MAX: variants seen among roughly 807,000 people sequenced by gnomAD.
MAX encodes the protein MYC associated transcriptional regulator X.
Under a neutral mutation model 22.3 loss-of-function variants are expected in MAX, and 3 were observed. The ratio of observed to expected loss-of-function variants is 0.13; its 90% CI spans 0.06 to 0.35. The LOEUF is 0.35. MAX is among the 10% of genes least tolerant of loss of function. The pLI, the probability that MAX is intolerant of heterozygous loss-of-function variation, is 1.00. For synonymous variants in MAX, 72 were observed against 77.7 expected (o/e 0.93, Z 0.39); for missense variants, 119 against 209.4 (o/e 0.57, Z 2.66).
chr14:65,050,358 A>G (rs761959994), intron 3 of MAX, among the ~76,000 whole-genome samples: 8 of 152,162 alleles, frequency 5.3e-5, no homozygotes, highest in Non-Finnish European at 1.2e-4. Flanking sequence ...CACTTTGGGA[A>G]GCCGAGTTGG....
chr14:65,084,379 A>C lies in MAX; in HGVS notation c.172-6343T>G. ...CAAAATTACTAACTTTTGTTTACTG[A>C]ATTAGTTACCCTCTTCCAAAAAAAA... On this transcript the variant is annotated intron_variant, in intron 3 of 4. Transcript: ENST00000358664. The surrounding 1 kb of genome is among the most constrained non-coding windows in gnomAD (Gnocchi z 4.3). The C allele has an allele frequency of 1.1e-6, 1 of 915,174 alleles. No homozygotes were observed. 56.7% of individuals were successfully genotyped at this position (915,174 alleles called of 1,614,324 possible). A position where few individuals can be genotyped will look rare whatever the true frequency, so the allele number is the denominator to read the frequency against.
rs1008264230 is a variant in MAX, at chr14:65,082,992, C to G, written c.172-4956G>C. ...TTAGGTGGGGGATGTCAGCTTCCCACAGTACACTGCTGGCTTCATTACCTC... is the reference window on the plus strand; with the variant it reads ...TTAGGTGGGGGATGTCAGCTTCCCAGAGTACACTGCTGGCTTCATTACCTC... On this transcript the variant is annotated intron_variant, in intron 3 of 4. Transcript: ENST00000358664. The surrounding 1 kb of genome is among the most constrained non-coding windows in gnomAD (Gnocchi z 4.8). Among the ~76,000 whole-genome samples, 3 of 152,170 alleles carry G rather than the reference C, an allele frequency of 2.0e-5. No homozygotes were observed. Among genetic ancestry groups the G allele is most frequent in the African/African-American group, 4.8e-5 (2 of 41,442 alleles).
intron 3 of MAX, chr14:65,040,813 T>C (rs1226399765): frequency 6.2e-7 from 1 of 1,613,522 alleles, no homozygotes; most frequent in Non-Finnish European, 8.5e-7. Context: ...GAAGGTGGCA[T>C]TGGCGGGGTA....
chr14:65,102,496 G>A lies in MAX; in HGVS notation c.-157C>T, dbSNP rs540865085. 18 of 1,488,962 alleles carry A rather than the reference G, an allele frequency of 1.2e-5. No homozygotes were observed. Among genetic ancestry groups the A allele is most frequent in the Middle Eastern group, 4.8e-4 (2 of 4,192 alleles). The allele number at this position is 1,488,962 out of a possible 1,614,324, so 92.2% of individuals were successfully genotyped here. ...TCTCACTCACACACACACACAACACGGGCAAGAACCACCTCCTCACTGCAG... is the reference window on the plus strand; with the variant it reads ...TCTCACTCACACACACACACAACACAGGCAAGAACCACCTCCTCACTGCAG... On this transcript the variant is annotated 5_prime_UTR_variant, in exon 1 of 5. Coordinates refer to ENST00000358664, the MANE Select transcript of MAX (RefSeq NM_002382.5).
chr14:65,053,206 C>T (rs377408308), intron 3 of MAX: 90 of 1,341,742 alleles, frequency 6.7e-5, no homozygotes, highest in Non-Finnish European at 8.2e-5. Flanking sequence ...CTGGATCTGC[C>T]GGGCCCTTAC....
chr14:65,071,810 A>C (rs1393421394), downstream of MAX, among the ~76,000 whole-genome samples: 1 of 152,232 alleles, frequency 6.6e-6, no homozygotes, highest in African/African-American at 2.4e-5. This position sits in a 1 kb window ranked among gnomAD's most constrained non-coding sequence, Gnocchi z 4.2. Context: ...CAGGGTGATA[A>C]GGGTTTGCCA....
intron 3 of MAX, among the ~76,000 whole-genome samples, chr14:65,010,851 G>A (rs2061672700): frequency 6.6e-6 from 1 of 152,024 alleles, no homozygotes; most frequent in South Asian, 2.1e-4. Context: ...CACTCCTCTT[G>A]TACACTTGAT....
downstream of MAX, among the ~76,000 whole-genome samples, chr14:65,072,023 A>C (rs2062992844): frequency 6.6e-6 from 1 of 152,230 alleles, no homozygotes; most frequent in South Asian, 2.1e-4. Context: ...GAAATTCTCT[A>C]TTCGCTATCT....
chr14:65,012,511 G>A lies in MAX; in HGVS notation c.172-6227C>T. On this transcript the variant is annotated intron_variant, in intron 3 of 3. Transcript: ENST00000341653. The surrounding 1 kb of genome is among the most constrained non-coding windows in gnomAD (Gnocchi z 5.0). ...TGCAGAGTCACTCTTTGTTCTCTGT[G>A]GCTCTGGCAGGAGGTAGGGTGCTGT... The A allele has an allele frequency of 7.6e-7, 1 of 1,319,440 alleles. No individual in the cohort carries two copies. The highest frequency in any genetic ancestry group is 1.0e-6 in the Non-Finnish European group (1 of 955,880). 81.7% of individuals were successfully genotyped at this position (1,319,440 alleles called of 1,614,324 possible). A position where few individuals can be genotyped will look rare whatever the true frequency, so the allele number is the denominator to read the frequency against.
rs2063051360 is a variant in MAX at position 65,076,211 on chromosome 14, G to C, written c.*265C>G. 1.4e-6 allele frequency: 2 copies of C among 1,420,118 alleles called. No individual in the cohort carries two copies. The highest frequency in any genetic ancestry group is 1.8e-6 in the Non-Finnish European group (2 of 1,092,600). The allele number at this position is 1,420,118 out of a possible 1,614,324, so 88.0% of individuals were successfully genotyped here. A position where few individuals can be genotyped will look rare whatever the true frequency, so the allele number is the denominator to read the frequency against. ...TGTCCTCCACAGAAAAAGCTGCCAA[G>C]TTGGGGTGTTTTGGTTTAAAAATTC... is the stretch of plus-strand genomic sequence containing the variant. On this transcript the variant is annotated 3_prime_UTR_variant, in exon 5 of 5. Transcript: ENST00000358664. The surrounding 1 kb of genome is among the most constrained non-coding windows in gnomAD (Gnocchi z 6.6).
chr14:65,083,592 C>T, intron 3 of MAX: 1 of 378,894 alleles, frequency 2.6e-6, no homozygotes, highest in Non-Finnish European at 3.6e-6. Flanking sequence ...GGTCCCAATG[C>T]TGACGTGAGA....
At position 65,088,752 on chromosome 14, in the gene MAX, A is replaced by G. The variant is rs1006670022; in HGVS notation, c.171+4956T>C. Among the ~76,000 whole-genome samples, 4 of 152,206 alleles carry G rather than the reference A, an allele frequency of 2.6e-5. No homozygotes were observed. Among genetic ancestry groups the G allele is most frequent in the African/African-American group, 9.7e-5 (4 of 41,450 alleles). ...AAAAGGAGACATTCTCCCTGCCTTC[A>G]CGGTACTTATTGTAGTGTAGTGCCA... On this transcript the variant is annotated intron_variant, in intron 3 of 4. Coordinates refer to ENST00000358664, the MANE Select transcript of MAX (RefSeq NM_002382.5). This position sits in a 1 kb window ranked among gnomAD's most constrained non-coding sequence, Gnocchi z 5.2.
At chr14:65,025,224 C>G (rs144125371) in intron 3 of MAX, among the ~76,000 whole-genome samples, 5 of 152,284 alleles carry the variant, frequency 3.3e-5, no homozygotes, top group African/African-American at 1.2e-4. Flanking sequence ...CAGATCCTAA[C>G]TAATTCGAGG....
Position 65,020,578 on chromosome 14 carries a change from C to T in MAX, c.172-14294G>A, listed in dbSNP as rs181119908. Among the ~76,000 whole-genome samples, 282 of 151,238 alleles carry T rather than the reference C, an allele frequency of 1.9e-3. 2 individuals carry two copies. The highest frequency in any genetic ancestry group is 3.5e-3 in the African/African-American group (144 of 41,196). On this transcript the variant is annotated intron_variant, in intron 3 of 3. Coordinates refer to the MAX transcript ENST00000341653. The stretch of plus-strand genomic sequence containing the variant: ...GTAGCTGGGACTACAGGCATACAGG[C>T]GGGAGCCACCACACCCGGCTAATTT...
Position 65,077,847 on chromosome 14 carries a change from A to AGGT in MAX, c.295+63_295+65dup. 6.2e-7 allele frequency: 1 copy of AGGT among 1,614,210 alleles called. No individual in the cohort carries two copies. Among genetic ancestry groups the AGGT allele is most frequent in the Non-Finnish European group, 8.5e-7 (1 of 1,180,038 alleles). On this transcript the variant is annotated intron_variant, in intron 4 of 4. Transcript: ENST00000358664. This position sits in a 1 kb window ranked among gnomAD's most constrained non-coding sequence, Gnocchi z 6.3. The stretch of plus-strand genomic sequence containing the variant: ...TGACTGGCTCTGACTCTGCAGGCCC[A>AGGT]GGTGCCAAAGCCTGACCTGGCTGGA...
rs1444024251 is a variant in MAX at position 65,060,503 on chromosome 14, C to T, written c.171+33205G>A. On this transcript the variant is annotated intron_variant, in intron 3 of 3. Coordinates refer to the MAX transcript ENST00000341653. The stretch of plus-strand genomic sequence containing the variant: ...CGAGGTCAGGAGATCGAGACCATCC[C>T]GGCTAAAACGGTGAAACCCCGTCTC... Among the ~76,000 whole-genome samples the T allele has an allele frequency of 5.5e-5, 7 of 126,924 alleles. 1 individual carries two copies. The highest frequency in any genetic ancestry group is 2.2e-4 in the African/African-American group (5 of 22,562). The allele number at this position is 126,924 out of a possible 152,430, so 83.3% of individuals were successfully genotyped here. A position where few individuals can be genotyped will look rare whatever the true frequency, so the allele number is the denominator to read the frequency against.
At chr14:65,025,697 T>C (rs1440811792) in intron 3 of MAX, among the ~76,000 whole-genome samples, 1 of 151,922 alleles carries the variant, frequency 6.6e-6, no homozygotes, top group African/African-American at 2.4e-5. Flanking sequence ...TGCCTGTAAT[T>C]CTAGCTACTT....
chr14:65,049,022 G>A (rs1461411799), intron 3 of MAX, among the ~76,000 whole-genome samples: 1 of 152,112 alleles, frequency 6.6e-6, no homozygotes, highest in Non-Finnish European at 1.5e-5. Context: ...AGCTACTCAG[G>A]AGGCTGAGGC....
intron 3 of MAX, among the ~76,000 whole-genome samples, chr14:65,056,812 T>G (rs1263860157): frequency 1.3e-5 from 2 of 152,214 alleles, no homozygotes; most frequent in African/African-American, 4.8e-5. Flanking sequence ...TGATTTGCAT[T>G]GCTATAAGAG....
Sources: allele counts gnomAD v4.1 joint callset (sites outside exome capture counted in the v4.1 genomes callset), GRCh38; gene constraint gnomAD v4.1.1; non-coding constraint Gnocchi (gnomAD v3.1); transcripts MANE v1.5; gene names NCBI Gene and HGNC (gene_info 2026-07-23, HGNC 2026-07-21).